Variants in THSD7A observed in about 807,000 individuals in gnomAD.
The protein encoded by THSD7A is thrombospondin type-1 domain-containing protein 7A.
In THSD7A, 96 loss-of-function variants were observed where a neutral mutation model predicts 231.3. The observed-to-expected ratio is 0.41, with a 90% CI of 0.35 to 0.49. The LOEUF (loss-of-function observed/expected upper bound fraction) is 0.49. THSD7A is among the 20% of genes least tolerant of loss of function. The pLI, the probability that THSD7A is intolerant of heterozygous loss-of-function variation, is 0.05. For missense variants in THSD7A, 2,290 were observed against 2,070.2 expected, an observed-to-expected ratio of 1.11 and a Z score of -2.06; for synonymous variants, 940 against 743.3, an observed-to-expected ratio of 1.26 and a Z score of -4.30.
At chr7:11,671,708 T>A (rs947948892) in intron 1 of THSD7A, among the ~76,000 whole-genome samples, 1 of 152,142 alleles carries the variant, frequency 6.6e-6, no homozygotes, top group African/African-American at 2.4e-5. Flanking sequence ...CAATTAAGAA[T>A]GTATTTCTGG....
intron 1 of THSD7A, among the ~76,000 whole-genome samples, chr7:11,763,509 C>A (rs1363958902): frequency 6.6e-6 from 1 of 152,114 alleles, no homozygotes; most frequent in African/African-American, 2.4e-5. Flanking sequence ...TATACACATA[C>A]ACATAAATAC....
chr7:11,827,894 G>C (rs953548118), intron 1 of THSD7A, among the ~76,000 whole-genome samples: 16 of 152,030 alleles, frequency 1.1e-4, no homozygotes, highest in African/African-American at 3.4e-4. Context: ...CTGACTACAG[G>C]CATGATGAAA....
At chr7:11,778,098 A>G (rs1783486682) in intron 1 of THSD7A, among the ~76,000 whole-genome samples, 1 of 134,256 alleles carries the variant, frequency 7.4e-6, no homozygotes, top group South Asian at 2.6e-4. Context: ...CGGAGCTTGC[A>G]GTGAGCCGAG....
intron 1 of THSD7A, among the ~76,000 whole-genome samples, chr7:11,720,560 G>A (rs1288535166): frequency 6.6e-6 from 1 of 151,688 alleles, no homozygotes; most frequent in Non-Finnish European, 1.5e-5. Context: ...ATTGCATGTT[G>A]TGTTTCAGTT....
At chr7:11,704,899 T>A (rs758801964) in intron 1 of THSD7A, among the ~76,000 whole-genome samples, 2 of 151,068 alleles carry the variant, frequency 1.3e-5, no homozygotes, top group African/African-American at 4.8e-5. Flanking sequence ...TTAACATACA[T>A]CATTTAAACT....
chr7:11,527,041 A>G (rs1445055388), intron 6 of THSD7A, among the ~76,000 whole-genome samples: 1 of 152,170 alleles, frequency 6.6e-6, no homozygotes, highest in Non-Finnish European at 1.5e-5. Context: ...TTTGTTGATA[A>G]TGTTTAAATG....
chr7:11,748,427 C>T (rs1782385301), intron 1 of THSD7A, among the ~76,000 whole-genome samples: 1 of 151,900 alleles, frequency 6.6e-6, no homozygotes, highest in Non-Finnish European at 1.5e-5. Context: ...GAAAACTCTT[C>T]TTAGGGAAAA....
chr7:11,724,387 C>T (rs1179985568), intron 1 of THSD7A, among the ~76,000 whole-genome samples: 1 of 151,922 alleles, frequency 6.6e-6, no homozygotes, highest in East Asian at 1.9e-4. Flanking sequence ...TTAAACACTT[C>T]TAAGTAATTC....
chr7:11,447,478 T>TG, intron 11 of THSD7A, 54 bp from the exon 12 acceptor site: 1 of 1,386,434 alleles, frequency 7.2e-7, no homozygotes, highest in Non-Finnish European at 9.5e-7. Flanking sequence ...AATTACTCTA[T>TG]AATTTAGAAG....
chr7:11,575,932 C>A (rs1409658669), intron 4 of THSD7A, among the ~76,000 whole-genome samples: 1 of 152,090 alleles, frequency 6.6e-6, no homozygotes, highest in Non-Finnish European at 1.5e-5. Flanking sequence ...TATGAAGGCC[C>A]ACTGGTGAAT....
At chr7:11,586,175 T>C (rs751338552) in intron 4 of THSD7A, among the ~76,000 whole-genome samples, 4 of 152,168 alleles carry the variant, frequency 2.6e-5, no homozygotes. Flanking sequence ...CAAAAAGTGT[T>C]CATAGCCAAA....
At chr7:11,791,857 G>A (rs1380736197) in intron 1 of THSD7A, among the ~76,000 whole-genome samples, 1 of 151,760 alleles carries the variant, frequency 6.6e-6, no homozygotes, top group Non-Finnish European at 1.5e-5. Context: ...CTTTTTTGCT[G>A]CCGCCTCTTT....
At chr7:11,580,896 TTAAAA>T (rs919593610) in intron 4 of THSD7A, among the ~76,000 whole-genome samples, 2 of 152,088 alleles carry the variant, frequency 1.3e-5, no homozygotes, top group African/African-American at 4.8e-5. Flanking sequence ...AAAATACAAA[TTAAAA>T]TAAAATAAAA....
At position 11,447,242 on chromosome 7, in the gene THSD7A, G is replaced by T; in HGVS notation, c.2788C>A (p.Arg930Ser). Residue 930 changes from arginine (R) to serine (S), a missense_variant, in exon 12 of 28, where the codon CGC (arginine) becomes AGC (serine). Physicochemically the swap from Arg to Ser is moderately radical, Grantham distance 110 (BLOSUM62 -1). Transcript: ENST00000423059. ...CAATTATTCTTACCAACAAGAGTGC[G>T]CTTTCTGGTCCTAACTGCACCACAG... ...GDCGAVRTRK[R>S]TLVGKSKKKE... 2 of 1,612,934 alleles carry T rather than the reference G, an allele frequency of 1.2e-6. No individual in the cohort carries two copies. Among genetic ancestry groups the T allele is most frequent in the Non-Finnish European group, 1.7e-6 (2 of 1,179,344 alleles).
At chr7:11,396,075 G>C (rs1783175152) in intron 23 of THSD7A, among the ~76,000 whole-genome samples, 1 of 151,962 alleles carries the variant, frequency 6.6e-6, no homozygotes, top group African/African-American at 2.4e-5. Context: ...GCAGAAATAA[G>C]TAAGTAAGTT....
intron 6 of THSD7A, among the ~76,000 whole-genome samples, chr7:11,491,150 C>T (rs1287752431): frequency 6.6e-6 from 1 of 152,040 alleles, no homozygotes; most frequent in African/African-American, 2.4e-5. Context: ...GTATGATCTT[C>T]ATCATTCAGT....
intron 6 of THSD7A, among the ~76,000 whole-genome samples, chr7:11,522,582 G>C (rs1409860493): frequency 6.6e-6 from 1 of 152,026 alleles, no homozygotes; most frequent in Non-Finnish European, 1.5e-5. Flanking sequence ...GACAGCTAAA[G>C]AGTAATTTTA....
chr7:11,409,594 T>C (rs1473219253), intron 19 of THSD7A, among the ~76,000 whole-genome samples: 1 of 152,336 alleles, frequency 6.6e-6, no homozygotes, highest in East Asian at 1.9e-4. Context: ...TGCTTAGGTT[T>C]CAGCTTTCGC....
At chr7:11,789,217 G>A (rs2128177338) in intron 1 of THSD7A, among the ~76,000 whole-genome samples, 1 of 152,184 alleles carries the variant, frequency 6.6e-6, no homozygotes, top group Admixed American at 6.6e-5. Context: ...GAACTTTGCT[G>A]AGAAATGGGA....
Sources: allele counts gnomAD v4.1 joint callset (sites outside exome capture counted in the v4.1 genomes callset), GRCh38; gene constraint gnomAD v4.1.1; transcripts MANE v1.5; gene names NCBI Gene and HGNC (gene_info 2026-07-23, HGNC 2026-07-21).